Variants in TRIM37 observed in about 807,000 individuals in gnomAD.
The protein encoded by TRIM37 is tripartite motif containing 37.
In TRIM37, 80 loss-of-function variants were observed where a neutral mutation model predicts 129.8. The observed-to-expected ratio is 0.62, with a 90% confidence interval of 0.51 to 0.74. The LOEUF (loss-of-function observed/expected upper bound fraction) is 0.74, where lower values mean the gene tolerates loss of function less well. TRIM37 is among the 30% of genes least tolerant of loss of function. The probability of loss-of-function intolerance (pLI) is 0.00; values close to 1 mark genes in which losing one functional copy is unlikely to be tolerated. For synonymous variants in TRIM37, 389 were observed against 387.1 expected (o/e 1.00, Z -0.06); for missense variants, 1,054 against 1,176.5 (o/e 0.90, Z 1.52).
intron 12 of TRIM37, among the ~76,000 whole-genome samples, chr17:59,057,712 C>T (rs566799732): frequency 6.6e-6 from 1 of 152,108 alleles, no homozygotes; most frequent in Admixed American, 6.5e-5. Flanking sequence ...TTAGTAGAGA[C>T]AGGGTTTCAT....
At position 59,056,885 on chromosome 17, in the gene TRIM37, CTG is replaced by C; in HGVS notation, c.1187_1188del (p.Thr396SerfsTer32). 1 of 1,613,670 alleles carries C rather than the reference CTG, an allele frequency of 6.2e-7. No individual in the cohort carries two copies. Among genetic ancestry groups the C allele is most frequent in the Non-Finnish European group, 8.5e-7 (1 of 1,179,826 alleles). ...NEGYLNPQNDTVILRFQVRSP... is the reference protein window; with the variant it reads ...NEGYLNPQNDXVILRFQVRSP... ...AATTTTTCCTGTTACCTTAAAATCA[CTG>C]TATCATTTTGTGGATTCAAGTATCC... On this transcript the variant is annotated frameshift_variant, in exon 13 of 24. Coordinates refer to ENST00000262294, the MANE Select transcript of TRIM37 (RefSeq NM_015294.6). LOFTEE classifies it high-confidence loss of function.
intron 17 of TRIM37, among the ~76,000 whole-genome samples, chr17:59,036,447 G>GGGGTGTGT (rs1555656622): frequency 5.0e-4 from 71 of 140,676 alleles, no homozygotes; most frequent in Middle Eastern, 7.1e-3. Context: ...ATTTGCTGGG[G>GGGGTGTGT]GTGTGTGTGT....
chr17:58,979,853 C>A, downstream of TRIM37: 3 of 748,424 alleles, frequency 4.0e-6, no homozygotes, highest in Admixed American at 3.1e-5. Flanking sequence ...TAAATTCTTT[C>A]CAGTCAAGTC....
chr17:59,083,159 G>C (rs1376975351), intron 5 of TRIM37, among the ~76,000 whole-genome samples: 1 of 152,088 alleles, frequency 6.6e-6, no homozygotes, highest in Non-Finnish European at 1.5e-5. Flanking sequence ...TCAGAGGCTG[G>C]GCGCGGTGGC....
intron 8 of TRIM37, among the ~76,000 whole-genome samples, chr17:59,071,779 A>T (rs1225532086): frequency 6.6e-6 from 1 of 152,050 alleles, no homozygotes; most frequent in African/African-American, 2.4e-5. Context: ...AAGACTACTA[A>T]TTTTTTCTTC....
In TRIM37 at chr17:59,017,415, T is replaced by C; in HGVS notation, c.2267A>G (p.Lys756Arg). ...AGCTGGCTTGGGCGAATTACTCTTC[T>C]TATTTGTGGCTGCAAAGACATTTAA... ...ANCYIRNSTNKKSNSPKPARS... is the reference protein window; with the variant it reads ...ANCYIRNSTNRKSNSPKPARS... The change falls in exon 20 of 24, where the codon AAG becomes AGG. Residue 756 changes from lysine to arginine, a missense_variant. Lys to Arg is a conservative substitution (Grantham distance 26). This residue lies in a region of TRIM37 where 287 missense variants were observed against 274.3 expected (regional missense o/e 1.05). Transcript: ENST00000262294. 1 of 1,614,030 alleles carries C rather than the reference T, an allele frequency of 6.2e-7. No homozygotes were observed. The highest frequency in any genetic ancestry group is 8.5e-7 in the Non-Finnish European group (1 of 1,179,932).
Position 59,101,723 on chromosome 17 carries a change from T to C in TRIM37, c.123+2570A>G, listed in dbSNP as rs560541265. Among the ~76,000 whole-genome samples, 306 of 131,980 alleles carry C rather than the reference T, an allele frequency of 2.3e-3. 2 individuals are homozygous for C. Among genetic ancestry groups the C allele is most frequent in the Middle Eastern group, 0.012 (3 of 242 alleles). 86.6% of individuals were successfully genotyped at this position (131,980 alleles called of 152,430 possible). A position where few individuals can be genotyped will look rare whatever the true frequency, so the allele number is the denominator to read the frequency against. On this transcript the variant is annotated intron_variant, in intron 2 of 23. Transcript: ENST00000262294. ...ACACACACACACACACACACACACA[T>C]ATATACATATACATGTTTATATATA...
intron 24 of TRIM37, among the ~76,000 whole-genome samples, chr17:58,991,485 G>T (rs1239075611): frequency 6.6e-6 from 1 of 151,800 alleles, no homozygotes. Context: ...CCAGTGAGCC[G>T]AGATAAAAAA....
intron 13 of TRIM37, among the ~76,000 whole-genome samples, chr17:59,055,618 A>G (rs537170435): frequency 6.6e-6 from 1 of 151,124 alleles, no homozygotes; most frequent in African/African-American, 2.4e-5. Context: ...GAATGGTGTG[A>G]ACCCGGGAGG....
chr17:58,999,427 T>C lies in TRIM37; in HGVS notation c.2845A>G (p.Ile949Val), dbSNP rs2033384443. 1.9e-6 allele frequency: 3 copies of C among 1,613,598 alleles called. No homozygotes were observed. The highest frequency in any genetic ancestry group is 1.1e-5 in the South Asian group (1 of 91,044). Residue 949 changes from isoleucine to valine, a missense_variant, in exon 24 of 24, where the codon ATA (isoleucine) becomes GTA (valine). This residue lies in a region of TRIM37 where 287 missense variants were observed against 274.3 expected (regional missense o/e 1.05). Coordinates refer to ENST00000262294, the MANE Select transcript of TRIM37 (RefSeq NM_015294.6). ...TTGAAGCTGAGATCTTCAGGGCCTA[T>C]TTGTTCACCATCAGGAAAACTGGAA... ...THSSFPDGEQ[I>V]GPEDLSFNTD...
intron 4 of TRIM37, among the ~76,000 whole-genome samples, chr17:59,084,902 T>A (rs1599452184): frequency 6.6e-6 from 1 of 152,324 alleles, no homozygotes; most frequent in East Asian, 1.9e-4. Flanking sequence ...TAGCATTTAA[T>A]CTTGGACTTA....
intron 3 of TRIM37, among the ~76,000 whole-genome samples, chr17:59,090,329 CT>C (rs1314788572): frequency 6.6e-6 from 1 of 151,922 alleles, no homozygotes; most frequent in Non-Finnish European, 1.5e-5. Flanking sequence ...AAAAAGCAAA[CT>C]GCAAAACAAT....
chr17:59,016,388 C>G (rs1156919461), intron 20 of TRIM37, among the ~76,000 whole-genome samples: 2 of 142,874 alleles, frequency 1.4e-5, no homozygotes, highest in Non-Finnish European at 3.1e-5. Context: ...GAGGAAAAAA[C>G]TCCATCTCAA....
the TRIM37 span, among the ~76,000 whole-genome samples, chr17:58,973,579 C>G: frequency 6.6e-6 from 1 of 151,786 alleles, no homozygotes; most frequent in African/African-American, 2.4e-5. Flanking sequence ...CTTTGGGAGG[C>G]TGAAGAGGGT....
chr17:58,998,873 G>A lies in TRIM37; in HGVS notation c.*504C>T. 1.0e-6 allele frequency: 1 copy of A among 999,222 alleles called. No individual in the cohort carries two copies. The highest frequency in any genetic ancestry group is 1.2e-6 in the Non-Finnish European group (1 of 837,834). The allele number at this position is 999,222 out of a possible 1,614,324, so 61.9% of individuals were successfully genotyped here. A position where few individuals can be genotyped will look rare whatever the true frequency, so the allele number is the denominator to read the frequency against. On this transcript the variant is annotated 3_prime_UTR_variant, in exon 24 of 24. Transcript: ENST00000262294. Reference sequence around the variant, plus strand: ...TAGTGTTACTTCAGTTATTCACATAGTGTCTACAGGGCAGAATCTCTTCCA... The same window carrying A: ...TAGTGTTACTTCAGTTATTCACATAATGTCTACAGGGCAGAATCTCTTCCA...
intron 2 of TRIM37, among the ~76,000 whole-genome samples, chr17:59,093,294 T>C (rs568092010): frequency 6.6e-6 from 1 of 152,316 alleles, no homozygotes; most frequent in African/African-American, 2.4e-5. Context: ...GGCATGACCA[T>C]GCCACTCTTC....
rs999847713 is a variant in TRIM37 at position 59,064,391 on chromosome 17, G to C, written c.824C>G (p.Ser275Cys). 2 of 1,593,388 alleles carry C rather than the reference G, an allele frequency of 1.3e-6. No individual in the cohort carries two copies. The highest frequency in any genetic ancestry group is 1.7e-6 in the Non-Finnish European group (2 of 1,169,536). Residue 275 changes from serine (S) to cysteine (C), a missense_variant, in exon 10 of 24, where the codon TCT (serine) becomes TGT (cysteine). By Grantham distance (112) the Ser-to-Cys change is moderately radical. Transcript: ENST00000262294. ...TAAAACAAAAGTAGCTGAATCGTAAGATGGCACTAATTCACTAAAAAAAAA... is the reference window on the plus strand; with the variant it reads ...TAAAACAAAAGTAGCTGAATCGTAACATGGCACTAATTCACTAAAAAAAAA... Reference protein sequence around the residue: ...PPDFTSELVPSYDSATFVLEN... With the variant: ...PPDFTSELVPCYDSATFVLEN...
chr17:59,091,613 TATATAATGTATA>T (rs1399339177), intron 2 of TRIM37, among the ~76,000 whole-genome samples: 2 of 111,932 alleles, frequency 1.8e-5, no homozygotes, highest in African/African-American at 7.2e-5. Flanking sequence ...ATATAATATA[TATATAATGTATA>T]ATAATGTATA....
intron 8 of TRIM37, among the ~76,000 whole-genome samples, chr17:59,072,517 G>A (rs1390269917): frequency 6.6e-6 from 1 of 152,034 alleles, no homozygotes; most frequent in East Asian, 1.9e-4. Context: ...CACTTAGGGT[G>A]AGGAGTTCAA....
Sources: gnomAD v4.1 joint callset for allele counts (sites outside exome capture counted in the v4.1 genomes callset) on GRCh38, gnomAD v4.1.1 for gene constraint, gnomAD v4.1.1 regional missense constraint, MANE v1.5 for transcripts, NCBI Gene and HGNC (gene_info 2026-07-23, HGNC 2026-07-21) for gene names.